Variants in GRM8 observed in about 807,000 individuals in gnomAD.
GRM8 encodes glutamate metabotropic receptor 8.
A neutral mutation model predicts 87.2 loss-of-function variants in GRM8; 47 were observed. That is an observed-to-expected ratio of 0.54 (90% CI 0.43 to 0.69). The LOEUF (loss-of-function observed/expected upper bound fraction) is 0.69, where lower values mean the gene tolerates loss of function less well. GRM8 is among the 30% of genes least tolerant of loss of function. The pLI, the probability that GRM8 is intolerant of heterozygous loss-of-function variation, is 0.00. For synonymous variants in GRM8, 396 were observed against 404.5 expected (o/e 0.98, Z 0.25); for missense variants, 1,019 against 1,139.2 (o/e 0.89, Z 1.52).
intron 2 of GRM8, among the ~76,000 whole-genome samples, chr7:127,125,888 C>T (rs1204595842): frequency 6.6e-6 from 1 of 151,784 alleles, no homozygotes; most frequent in African/African-American, 2.4e-5. Context: ...CTTTACATCA[C>T]TAATCATCAG....
At chr7:127,179,755 G>T (rs1231612089) in intron 2 of GRM8, among the ~76,000 whole-genome samples, 1 of 152,088 alleles carries the variant, frequency 6.6e-6, no homozygotes, top group Non-Finnish European at 1.5e-5. Flanking sequence ...TGAGCATTGG[G>T]TCAAAAACAA....
chr7:126,797,550 T>C (rs1355890204), intron 6 of GRM8, among the ~76,000 whole-genome samples: 6 of 152,070 alleles, frequency 3.9e-5, no homozygotes, highest in Admixed American at 6.6e-5. Flanking sequence ...CAGCCAGCAG[T>C]GTGCAAATTT....
intron 7 of GRM8, among the ~76,000 whole-genome samples, chr7:126,752,968 T>C (rs1424286719): frequency 6.6e-6 from 1 of 152,104 alleles, no homozygotes; most frequent in Non-Finnish European, 1.5e-5. Flanking sequence ...GGACAGGGAT[T>C]GTGGTTTGCT....
chr7:126,922,103 T>A (rs180731283), intron 3 of GRM8, among the ~76,000 whole-genome samples: 3 of 152,152 alleles, frequency 2.0e-5, no homozygotes, highest in Non-Finnish European at 4.4e-5. Context: ...TACAGTTCTG[T>A]CAAAGTTTGA....
At chr7:127,160,763 C>T (rs536956219) in intron 2 of GRM8, among the ~76,000 whole-genome samples, 43 of 152,122 alleles carry the variant, frequency 2.8e-4, no homozygotes, top group African/African-American at 8.0e-4. Context: ...CAAGTGGGGA[C>T]GCCTCCAGGG....
chr7:126,712,186 C>A (rs551886785), intron 7 of GRM8, among the ~76,000 whole-genome samples: 2 of 152,204 alleles, frequency 1.3e-5, no homozygotes, highest in South Asian at 4.1e-4. Context: ...TATTAATTAA[C>A]CTTATTTCAA....
chr7:126,905,872 TG>T (rs1471616494), intron 3 of GRM8, among the ~76,000 whole-genome samples: 1 of 152,108 alleles, frequency 6.6e-6, no homozygotes, highest in African/African-American at 2.4e-5. Context: ...GGGACAAAAG[TG>T]GAACATGTCT....
chr7:126,824,730 C>T (rs1261553960), intron 6 of GRM8, among the ~76,000 whole-genome samples: 2 of 152,100 alleles, frequency 1.3e-5, no homozygotes, highest in East Asian at 3.9e-4. Flanking sequence ...TCTTTTTAAG[C>T]AAAAATAGGA....
intron 7 of GRM8, among the ~76,000 whole-genome samples, chr7:126,750,676 C>G (rs78784889): frequency 6.6e-6 from 1 of 151,928 alleles, no homozygotes; most frequent in African/African-American, 2.4e-5. Flanking sequence ...CTTTTTTTGG[C>G]TTTTGCTCCT....
At chr7:127,039,972 GGGGAAA>G (rs1241139512) in intron 3 of GRM8, among the ~76,000 whole-genome samples, 1 of 75,702 alleles carries the variant, frequency 1.3e-5, no homozygotes, top group Non-Finnish European at 2.7e-5. Context: ...GGGGTATGGA[GGGGAAA>G]GGGGAAGGGG....
chr7:126,806,762 A>AG (rs1792794206), intron 6 of GRM8, among the ~76,000 whole-genome samples: 1 of 152,170 alleles, frequency 6.6e-6, no homozygotes, highest in Non-Finnish European at 1.5e-5. Context: ...CTCGCCCCCC[A>AG]GTCAAGCCCA....
intron 2 of GRM8, among the ~76,000 whole-genome samples, chr7:127,194,211 G>A (rs11563486): frequency 0.13 from 19,856 of 152,226 alleles, 1,352 homozygotes; most frequent in Non-Finnish European, 0.15. Flanking sequence ...AAAAATGTGG[G>A]CTTTAGAGTT....
intron 7 of GRM8, among the ~76,000 whole-genome samples, chr7:126,765,954 A>G (rs986095249): frequency 6.6e-6 from 1 of 152,106 alleles, no homozygotes; most frequent in African/African-American, 2.4e-5. Context: ...TTAAACCACC[A>G]TTGTAGCTTA....
chr7:126,832,312 A>G (rs1013604060), intron 6 of GRM8, among the ~76,000 whole-genome samples: 1 of 152,182 alleles, frequency 6.6e-6, no homozygotes, highest in Non-Finnish European at 1.5e-5. Context: ...TATGATATCA[A>G]TTTTATAAAG....
rs894367818 is a variant in GRM8 at position 126,902,750 on chromosome 7, A to G, written c.1019-71T>C. The G allele has an allele frequency of 5.5e-5, 61 of 1,107,012 alleles. No homozygotes were observed. The Middle Eastern group carries it at 6.2e-4, about 11-fold the overall frequency. The allele number at this position is 1,107,012 out of a possible 1,614,324, so 68.6% of individuals were successfully genotyped here. A position where few individuals can be genotyped will look rare whatever the true frequency, so the allele number is the denominator to read the frequency against. On this transcript the variant is annotated intron_variant, in intron 5 of 10. Coordinates refer to ENST00000339582, the MANE Select transcript of GRM8 (RefSeq NM_000845.3). ...AAATATTGTCAGAACTTTCGAATGG[A>G]CATTATATTCTGATCACTGCATGAA...
In GRM8 at chr7:126,633,550, T is replaced by C. The variant is rs555509486; in HGVS notation, c.1358-24052A>G. On this transcript the variant is annotated intron_variant, in intron 7 of 10. Transcript: ENST00000339582. The stretch of plus-strand genomic sequence containing the variant: ...ATCTTTTTGATTAAAATGAAAACAA[T>C]TGTTGTGCTAAAACAAATGATCGAA... Among the ~76,000 whole-genome samples, 13 of 152,110 alleles carry C rather than the reference T, an allele frequency of 8.5e-5. No homozygotes were observed. The East Asian group carries it at 2.5e-3, about 29-fold the overall frequency.
At chr7:126,952,000 A>C (rs1018266041) in intron 3 of GRM8, among the ~76,000 whole-genome samples, 57 of 150,720 alleles carry the variant, frequency 3.8e-4, no homozygotes, top group African/African-American at 1.3e-3. Context: ...TCAGTTTCTA[A>C]ACACCATTCT....
At chr7:126,660,160 C>T (rs1027635680) in intron 7 of GRM8, among the ~76,000 whole-genome samples, 8 of 152,126 alleles carry the variant, frequency 5.3e-5, no homozygotes, top group Admixed American at 2.0e-4. Context: ...GTTCTTTTAA[C>T]GAGCATTGTT....
intron 8 of GRM8, among the ~76,000 whole-genome samples, chr7:126,586,390 G>A (rs914328392): frequency 1.2e-4 from 18 of 152,080 alleles, no homozygotes; most frequent in Non-Finnish European, 2.4e-4. Flanking sequence ...TAAGCCAAAA[G>A]AACAAAGCTG....
Sources: allele counts gnomAD v4.1 joint callset (sites outside exome capture counted in the v4.1 genomes callset), GRCh38; gene constraint gnomAD v4.1.1; transcripts MANE v1.5; gene names NCBI Gene and HGNC (gene_info 2026-07-23, HGNC 2026-07-21).